CPA6: variants seen among roughly 807,000 people sequenced by gnomAD.
CPA6 encodes carboxypeptidase B.
A neutral mutation model predicts 63.3 loss-of-function variants in CPA6; 58 were observed. That is an observed-to-expected ratio of 0.92 (90% CI 0.74 to 1.14). The LOEUF (loss-of-function observed/expected upper bound fraction) is 1.14. Among genes scored for constraint, CPA6 ranks in the 50% most tolerant of loss-of-function variants. The probability of loss-of-function intolerance (pLI) is 0.00; values close to 1 mark genes in which losing one functional copy is unlikely to be tolerated. For missense variants in CPA6, 565 were observed against 526.6 expected, an observed-to-expected ratio of 1.07 and a Z score of -0.71; for synonymous variants, 185 against 179.0, an observed-to-expected ratio of 1.03 and a Z score of -0.27.
intron 8 of CPA6, among the ~76,000 whole-genome samples, chr8:67,455,726 G>C: frequency 8.7e-6 from 1 of 114,802 alleles, no homozygotes; most frequent in East Asian, 2.6e-4. Flanking sequence ...TTTTTTGTTT[G>C]TTTTTTGTTT....
chr8:67,699,848 C>A (rs773264425), intron 1 of CPA6, among the ~76,000 whole-genome samples: 15 of 152,158 alleles, frequency 9.9e-5, no homozygotes, highest in Non-Finnish European at 1.6e-4. Flanking sequence ...CTCAGCCTCC[C>A]AGAGCGTTAG....
At chr8:67,648,363 T>TGA (rs1190217236) in intron 1 of CPA6, among the ~76,000 whole-genome samples, 1 of 149,402 alleles carries the variant, frequency 6.7e-6, no homozygotes, top group Non-Finnish European at 1.5e-5. Context: ...CTTTGAGGAA[T>TGA]GAGAGAGAAG....
At chr8:67,692,198 T>C (rs1276792465) in intron 1 of CPA6, among the ~76,000 whole-genome samples, 1 of 151,946 alleles carries the variant, frequency 6.6e-6, no homozygotes, top group Non-Finnish European at 1.5e-5. Flanking sequence ...TAGCCGGGCA[T>C]GGTGGCGCAT....
intron 8 of CPA6, among the ~76,000 whole-genome samples, chr8:67,467,059 T>C (rs968228255): frequency 2.6e-5 from 4 of 152,220 alleles, no homozygotes; most frequent in African/African-American, 9.6e-5. Flanking sequence ...GCTGAATATA[T>C]ATTAATTTAT....
intron 2 of CPA6, among the ~76,000 whole-genome samples, chr8:67,548,346 G>T (rs1296030279): frequency 6.6e-6 from 1 of 150,934 alleles, no homozygotes; most frequent in African/African-American, 2.4e-5. Flanking sequence ...TCAACTCCTG[G>T]GTTCAAACAC....
chr8:67,652,219 T>A (rs1398671771), intron 1 of CPA6, among the ~76,000 whole-genome samples: 1 of 152,198 alleles, frequency 6.6e-6, no homozygotes, highest in African/African-American at 2.4e-5. Flanking sequence ...GCATGTGTCT[T>A]TATAGCAGCA....
At chr8:67,573,296 T>G (rs1813533213) in intron 2 of CPA6, among the ~76,000 whole-genome samples, 1 of 152,082 alleles carries the variant, frequency 6.6e-6, no homozygotes, top group Non-Finnish European at 1.5e-5. Flanking sequence ...GAGAAAGAAA[T>G]AAAAAGCGTC....
At chr8:67,605,089 T>C (rs1485660549) in intron 2 of CPA6, among the ~76,000 whole-genome samples, 2 of 147,564 alleles carry the variant, frequency 1.4e-5, no homozygotes, top group Non-Finnish European at 3.0e-5. Flanking sequence ...CGTTTTTTTT[T>C]TTTTCTTTTT....
chr8:67,717,283 C>A (rs1323217548), intron 1 of CPA6, among the ~76,000 whole-genome samples: 1 of 152,130 alleles, frequency 6.6e-6, no homozygotes, highest in Non-Finnish European at 1.5e-5. Flanking sequence ...AGCACAGCTG[C>A]ACAGGGGAGG....
At chr8:67,498,818 C>T (rs984029335) in intron 6 of CPA6, among the ~76,000 whole-genome samples, 1 of 152,050 alleles carries the variant, frequency 6.6e-6, no homozygotes, top group African/African-American at 2.4e-5. Flanking sequence ...ATTCTACTTA[C>T]ATGATTAAAA....
chr8:67,475,887 TTTC>T lies in CPA6; in HGVS notation c.838+7878_838+7880del, dbSNP rs1321524089. 1.9e-3 allele frequency among the ~76,000 whole-genome samples: 105 copies of T among 54,074 alleles called. 2 individuals carry two copies. Among genetic ancestry groups the T allele is most frequent in the African/African-American group, 8.8e-3 (100 of 11,424 alleles). The allele number at this position is 54,074 out of a possible 152,430, so 35.5% of individuals were successfully genotyped here. A position where few individuals can be genotyped will look rare whatever the true frequency, so the allele number is the denominator to read the frequency against. Reference sequence around the variant, plus strand: ...TCTTTCTTTCTTTCTTTCTCCTTTCTTTCTTTCTTTCTTTCTTTCTTTCTTTCT... The same window carrying T: ...TCTTTCTTTCTTTCTTTCTCCTTTCTTTTCTTTCTTTCTTTCTTTCTTTCT... On this transcript the variant is annotated intron_variant, in intron 8 of 10. Transcript: ENST00000297770.
intron 1 of CPA6, among the ~76,000 whole-genome samples, chr8:67,727,673 A>C (rs984803414): frequency 6.6e-6 from 1 of 152,160 alleles, no homozygotes; most frequent in Admixed American, 6.5e-5. Context: ...TACCTGGGAG[A>C]CTTTATCTGC....
chr8:67,630,911 G>A (rs1815311910), intron 1 of CPA6, among the ~76,000 whole-genome samples: 1 of 152,262 alleles, frequency 6.6e-6, no homozygotes, highest in Non-Finnish European at 1.5e-5. Flanking sequence ...AGCAGTGCCG[G>A]CCCACTGGTG....
chr8:67,518,606 A>G (rs1812199058), intron 2 of CPA6, among the ~76,000 whole-genome samples: 1 of 147,890 alleles, frequency 6.8e-6, no homozygotes, highest in South Asian at 2.1e-4. Context: ...TCCTGGGTTT[A>G]AGCAATTCTC....
intron 2 of CPA6, among the ~76,000 whole-genome samples, chr8:67,581,376 G>A (rs1398242323): frequency 6.6e-6 from 1 of 152,122 alleles, no homozygotes; most frequent in Non-Finnish European, 1.5e-5. Context: ...GTACATAAAG[G>A]CACTATTACA....
At chr8:67,720,085 T>A (rs1377833222) in intron 1 of CPA6, among the ~76,000 whole-genome samples, 1 of 149,648 alleles carries the variant, frequency 6.7e-6, no homozygotes, top group African/African-American at 2.5e-5. Flanking sequence ...GAGATAAGGG[T>A]GGGGCGGTTT....
At chr8:67,470,289 C>G (rs945488968) in intron 8 of CPA6, among the ~76,000 whole-genome samples, 1 of 152,174 alleles carries the variant, frequency 6.6e-6, no homozygotes, top group South Asian at 2.1e-4. Context: ...CTCAGCCTCC[C>G]GAAGTGCTGG....
chr8:67,681,400 G>A (rs560155800), intron 1 of CPA6, among the ~76,000 whole-genome samples: 15 of 150,258 alleles, frequency 1.0e-4, no homozygotes, highest in East Asian at 3.9e-4. Flanking sequence ...TAGTAGAGAC[G>A]GGGTTTCACC....
At chr8:67,437,431 T>C (rs1055122986) in intron 8 of CPA6, among the ~76,000 whole-genome samples, 5 of 151,866 alleles carry the variant, frequency 3.3e-5, no homozygotes, top group Non-Finnish European at 7.4e-5. Context: ...AAAAAAACTA[T>C]AGCTGATACT....
Sources: allele counts gnomAD v4.1 joint callset (sites outside exome capture counted in the v4.1 genomes callset), GRCh38; gene constraint gnomAD v4.1.1; transcripts MANE v1.5; gene names NCBI Gene and HGNC (gene_info 2026-07-23, HGNC 2026-07-21).